The following HYCC2 variants were observed in gnomAD, a reference collection of about 807,000 sequenced individuals.
HYCC2 encodes the protein hyccin 2.
the HYCC2 span, among the ~76,000 whole-genome samples, chr2:201,052,549 A>G: frequency 1.3e-5 from 2 of 152,318 alleles, no homozygotes; most frequent in East Asian, 3.9e-4. Context: ...TTGAGGCTGC[A>G]GTGAGCCGTG....
chr2:201,066,060 C>T, the HYCC2 span, among the ~76,000 whole-genome samples: 1 of 151,826 alleles, frequency 6.6e-6, no homozygotes, highest in African/African-American at 2.4e-5. Flanking sequence ...TTTATAAAAG[C>T]CCTTCATGTT....
the HYCC2 span, among the ~76,000 whole-genome samples, chr2:201,034,945 C>T: frequency 1.3e-5 from 2 of 152,198 alleles, no homozygotes; most frequent in Non-Finnish European, 2.9e-5. Flanking sequence ...TCTCTTCTGG[C>T]TTGTAGAGTT....
At chr2:201,004,138 T>C in the HYCC2 span, among the ~76,000 whole-genome samples, 1 of 152,100 alleles carries the variant, frequency 6.6e-6, no homozygotes, top group Non-Finnish European at 1.5e-5. Flanking sequence ...TATCAGCTTA[T>C]GAGTGGTGGC....
At chr2:200,982,020 A>AC in the HYCC2 span, 1 of 795,288 alleles carries the variant, frequency 1.3e-6, no homozygotes, top group Non-Finnish European at 1.9e-6. Context: ...AATTTAGGGG[A>AC]AATCTTAATC....
the HYCC2 span, among the ~76,000 whole-genome samples, chr2:201,042,620 G>A: frequency 6.6e-6 from 1 of 151,058 alleles, no homozygotes; most frequent in East Asian, 2.0e-4. Context: ...CCCCGTCTGG[G>A]GGAGCCCCTC....
At chr2:201,033,196 T>TGAGAGAGA in the HYCC2 span, among the ~76,000 whole-genome samples, 22 of 106,242 alleles carry the variant, frequency 2.1e-4, no homozygotes, top group African/African-American at 2.6e-4. Context: ...TGTGTGTGTG[T>TGAGAGAGA]GAGAGAGAGA....
the HYCC2 span, among the ~76,000 whole-genome samples, chr2:201,035,050 C>T: frequency 1.7e-4 from 26 of 152,312 alleles, no homozygotes; most frequent in South Asian, 1.0e-3. Flanking sequence ...TCCTTCATTT[C>T]AACTTTGGTG....
chr2:201,071,191 A>AC, the HYCC2 span, among the ~76,000 whole-genome samples: 1 of 151,012 alleles, frequency 6.6e-6, no homozygotes, highest in African/African-American at 2.4e-5. Flanking sequence ...CCCCCTCACC[A>AC]CCCCCAGGAA....
At chr2:201,042,861 G>GC in the HYCC2 span, among the ~76,000 whole-genome samples, 4 of 149,112 alleles carry the variant, frequency 2.7e-5, no homozygotes, top group Admixed American at 6.6e-5. Flanking sequence ...AGGTGGGGGG[G>GC]CCCCTCTGCC....
the HYCC2 span, among the ~76,000 whole-genome samples, chr2:201,055,780 G>C: frequency 6.6e-6 from 1 of 152,136 alleles, no homozygotes; most frequent in South Asian, 2.1e-4. Context: ...GAAGCACAAT[G>C]CTGGGAGCAG....
chr2:201,049,372 C>T, the HYCC2 span, among the ~76,000 whole-genome samples: 8 of 151,820 alleles, frequency 5.3e-5, no homozygotes, highest in Non-Finnish European at 1.2e-4. Flanking sequence ...TTTTTTGAGA[C>T]GGAGTCTCGC....
the HYCC2 span, among the ~76,000 whole-genome samples, chr2:201,060,349 T>C: frequency 6.6e-6 from 1 of 152,226 alleles, no homozygotes; most frequent in Non-Finnish European, 1.5e-5. Context: ...ACCTTACCTG[T>C]AGCTAAGTAT....
At chr2:201,013,152 T>C in the HYCC2 span, among the ~76,000 whole-genome samples, 1 of 151,948 alleles carries the variant, frequency 6.6e-6, no homozygotes, top group Admixed American at 6.6e-5. Flanking sequence ...AGTCAGAGAC[T>C]GAGTAGCTGC....
chr2:201,029,824 A>C, the HYCC2 span, among the ~76,000 whole-genome samples: 1 of 152,178 alleles, frequency 6.6e-6, no homozygotes, highest in Non-Finnish European at 1.5e-5. Context: ...AGAAATACCT[A>C]ATGTAAATGA....
At chr2:201,053,691 G>A in the HYCC2 span, among the ~76,000 whole-genome samples, 5 of 151,902 alleles carry the variant, frequency 3.3e-5, no homozygotes, top group African/African-American at 4.8e-5. Context: ...CAAGCCGGGC[G>A]TGGTGGCTCA....
the HYCC2 span, among the ~76,000 whole-genome samples, chr2:201,029,301 G>T: frequency 6.6e-6 from 1 of 151,668 alleles, no homozygotes; most frequent in African/African-American, 2.4e-5. Context: ...AGAAAATCAG[G>T]AAACAACAGA....
the HYCC2 span, among the ~76,000 whole-genome samples, chr2:200,990,569 A>AT: frequency 1.4e-5 from 2 of 147,964 alleles, no homozygotes; most frequent in South Asian, 2.1e-4. Flanking sequence ...ATCCCGCTAA[A>AT]TTTTTTTTTC....
chr2:201,062,096 C>A, the HYCC2 span, among the ~76,000 whole-genome samples: 1 of 152,132 alleles, frequency 6.6e-6, no homozygotes, highest in Non-Finnish European at 1.5e-5. Context: ...CAAAGCAAGA[C>A]CCTGTCTCAA....
chr2:201,007,276 T>C, the HYCC2 span, among the ~76,000 whole-genome samples: 290 of 152,308 alleles, frequency 1.9e-3, 1 homozygote, highest in African/African-American at 6.3e-3. Flanking sequence ...AAGCATTTAA[T>C]ACATCTACCC....
Sources: allele counts gnomAD v4.1 joint callset (sites outside exome capture counted in the v4.1 genomes callset), GRCh38; gene constraint gnomAD v4.1.1; transcripts MANE v1.5; gene names NCBI Gene and HGNC (gene_info 2026-07-23, HGNC 2026-07-21).